KCNIP4: variants seen among roughly 807,000 people sequenced by gnomAD.
KCNIP4 encodes Kv channel-interacting protein 4.
KCNIP4 carries 12 observed loss-of-function variants against 34.0 expected under a neutral mutation model. That is an observed-to-expected ratio of 0.35 (90% CI 0.23 to 0.57). KCNIP4 has a LOEUF of 0.57. Among genes scored for constraint, KCNIP4 ranks in the 20% least tolerant of loss-of-function variants. The pLI is 0.83. For synonymous variants in KCNIP4, 124 were observed against 102.2 expected (o/e 1.21, Z -1.29); for missense variants, 238 against 311.7 (o/e 0.76, Z 1.78).
intron 1 of KCNIP4, among the ~76,000 whole-genome samples, chr4:21,026,531 G>A (rs942447611): frequency 6.6e-6 from 1 of 152,152 alleles, no homozygotes; most frequent in Admixed American, 6.5e-5. Context: ...GCATGTGCCT[G>A]TGATCCCAAC....
At chr4:21,113,482 G>GAAAAAAAAAAAAAAAAAAAAAAAAAAAAA (rs1164913472) in intron 1 of KCNIP4, among the ~76,000 whole-genome samples, 3 of 109,454 alleles carry the variant, frequency 2.7e-5, no homozygotes, top group Non-Finnish European at 3.8e-5. Flanking sequence ...AAAAAAAAAG[G>GAAAAAAAAAAAAAAAAAAAAAAAAAAAAA]AAAGCTATAC....
chr4:21,557,506 T>C (rs1739165469), intron 1 of KCNIP4, among the ~76,000 whole-genome samples: 2 of 152,230 alleles, frequency 1.3e-5, no homozygotes, highest in African/African-American at 4.8e-5. Flanking sequence ...TATGAAAACA[T>C]TGTCCTTTTC....
intron 1 of KCNIP4, among the ~76,000 whole-genome samples, chr4:21,944,850 T>C (rs546968458): frequency 1.7e-5 from 2 of 115,158 alleles, no homozygotes; most frequent in East Asian, 4.0e-4. Flanking sequence ...ATGAATACTT[T>C]TGGAATGAAA....
intron 1 of KCNIP4, among the ~76,000 whole-genome samples, chr4:21,876,003 T>C (rs1331412845): frequency 3.3e-5 from 5 of 152,110 alleles, no homozygotes; most frequent in African/African-American, 9.7e-5. Flanking sequence ...TTAATTGTTT[T>C]TGAACCATGG....
At chr4:20,798,634 T>C (rs1035332726) in intron 3 of KCNIP4, among the ~76,000 whole-genome samples, 2 of 152,082 alleles carry the variant, frequency 1.3e-5, no homozygotes, top group African/African-American at 4.8e-5. Context: ...AGAAATCCTG[T>C]AGAGCATAGA....
At chr4:21,674,511 C>T (rs138088838) in intron 1 of KCNIP4, among the ~76,000 whole-genome samples, 1 of 152,174 alleles carries the variant, frequency 6.6e-6, no homozygotes, top group Non-Finnish European at 1.5e-5. Flanking sequence ...TTGAAGACAG[C>T]AGTGTTTTCA....
chr4:21,086,427 C>T (rs1417389489), intron 1 of KCNIP4, among the ~76,000 whole-genome samples: 3 of 152,088 alleles, frequency 2.0e-5, no homozygotes, highest in African/African-American at 7.2e-5. Context: ...ATTGGATTTA[C>T]AAGAATTTTT....
chr4:20,798,677 G>T (rs1246138230), intron 3 of KCNIP4, among the ~76,000 whole-genome samples: 1 of 152,114 alleles, frequency 6.6e-6, no homozygotes, highest in Non-Finnish European at 1.5e-5. Flanking sequence ...AAGGGAAAAA[G>T]ATACCTCGCC....
At chr4:21,640,820 G>T (rs1377687611) in intron 1 of KCNIP4, among the ~76,000 whole-genome samples, 4 of 152,098 alleles carry the variant, frequency 2.6e-5, no homozygotes, top group African/African-American at 9.7e-5. Context: ...TGCCACTGGG[G>T]TCATATGATC....
intron 1 of KCNIP4, among the ~76,000 whole-genome samples, chr4:21,639,810 T>C (rs1746485220): frequency 6.6e-6 from 1 of 152,188 alleles, no homozygotes; most frequent in African/African-American, 2.4e-5. Context: ...ATTCTAATTA[T>C]ATATTCTGGA....
intron 8 of KCNIP4, among the ~76,000 whole-genome samples, chr4:20,730,496 A>G (rs929454373): frequency 6.6e-5 from 10 of 152,174 alleles, no homozygotes; most frequent in African/African-American, 2.4e-4. Flanking sequence ...TCACAGGCCA[A>G]ATCACACAGA....
At chr4:21,540,401 G>A (rs554179559) in intron 1 of KCNIP4, among the ~76,000 whole-genome samples, 17 of 152,222 alleles carry the variant, frequency 1.1e-4, no homozygotes, top group Admixed American at 9.8e-4. Flanking sequence ...CTAACAGTGA[G>A]CCACAGCTAA....
chr4:20,776,471 G>A (rs975170146), intron 3 of KCNIP4, among the ~76,000 whole-genome samples: 1 of 152,068 alleles, frequency 6.6e-6, no homozygotes, highest in Non-Finnish European at 1.5e-5. Flanking sequence ...TCTCAAAATT[G>A]TACTATAGAC....
At chr4:21,840,816 A>G (rs1346818492) in intron 1 of KCNIP4, among the ~76,000 whole-genome samples, 1 of 152,196 alleles carries the variant, frequency 6.6e-6, no homozygotes. Flanking sequence ...GACCTGCATA[A>G]AGGCTCTGGT....
At chr4:21,254,601 T>C (rs916728326) in intron 1 of KCNIP4, among the ~76,000 whole-genome samples, 2 of 152,216 alleles carry the variant, frequency 1.3e-5, no homozygotes, top group African/African-American at 4.8e-5. Flanking sequence ...TTTGCCTTAC[T>C]CTTCCCTATT....
chr4:21,452,742 G>A (rs931232387), intron 1 of KCNIP4, among the ~76,000 whole-genome samples: 1 of 150,800 alleles, frequency 6.6e-6, no homozygotes, highest in African/African-American at 2.4e-5. Context: ...TCAGAGCATG[G>A]GAAGAAAGCC....
chr4:20,753,505 G>C (rs947527127), intron 4 of KCNIP4, among the ~76,000 whole-genome samples: 2 of 152,144 alleles, frequency 1.3e-5, no homozygotes, highest in African/African-American at 4.8e-5. Context: ...GTTCTTCATA[G>C]TATTTGAACA....
intron 2 of KCNIP4, among the ~76,000 whole-genome samples, chr4:20,874,140 A>C (rs750632531): frequency 1.2e-4 from 19 of 152,316 alleles, no homozygotes; most frequent in Admixed American, 5.2e-4. Flanking sequence ...TCCTTTGAGC[A>C]AACTTACAGA....
intron 1 of KCNIP4, among the ~76,000 whole-genome samples, chr4:21,824,692 G>C (rs536054563): frequency 6.6e-6 from 1 of 152,240 alleles, no homozygotes; most frequent in Admixed American, 6.5e-5. Context: ...CTGGTCTCCT[G>C]TTCAGCCAGC....
Sources: allele counts gnomAD v4.1 joint callset (sites outside exome capture counted in the v4.1 genomes callset), GRCh38; gene constraint gnomAD v4.1.1; transcripts MANE v1.5; gene names NCBI Gene and HGNC (gene_info 2026-07-23, HGNC 2026-07-21).